RIMS1: variants seen among roughly 807,000 people sequenced by gnomAD.
RIMS1 encodes the protein regulating synaptic membrane exocytosis 1.
In RIMS1, 83 loss-of-function variants were observed where a neutral mutation model predicts 214.1. That is an observed-to-expected ratio of 0.39 (90% CI 0.32 to 0.47). The LOEUF is 0.47. Ranked by LOEUF, RIMS1 falls within the 20% of genes least tolerant of loss-of-function variation. The pLI is 0.99. For synonymous variants in RIMS1, 793 were observed against 786.8 expected, an observed-to-expected ratio of 1.01 and a Z score of -0.13; for missense variants, 2,050 against 2,161.8, an observed-to-expected ratio of 0.95 and a Z score of 1.03.
intron 29 of RIMS1, among the ~76,000 whole-genome samples, chr6:72,368,171 C>T (rs905523868): frequency 1.3e-5 from 2 of 151,698 alleles, no homozygotes; most frequent in Non-Finnish European, 2.9e-5. Context: ...CTTATCTGTG[C>T]TTGTTATAAT....
intron 2 of RIMS1, among the ~76,000 whole-genome samples, chr6:72,028,635 A>T (rs1311190898): frequency 6.6e-6 from 1 of 152,188 alleles, no homozygotes; most frequent in Non-Finnish European, 1.5e-5. Flanking sequence ...ACTCCCTGCT[A>T]AAAAGACAAA....
chr6:72,217,474 T>C (rs2496538), intron 6 of RIMS1, among the ~76,000 whole-genome samples: 72,552 of 152,024 alleles, frequency 0.48, 19,427 homozygotes, highest in East Asian at 0.83. Flanking sequence ...TTAAATTATA[T>C]ACATTTTAGT....
At chr6:72,364,702 G>A (rs1267346213) in intron 29 of RIMS1, among the ~76,000 whole-genome samples, 1 of 152,186 alleles carries the variant, frequency 6.6e-6, no homozygotes, top group Non-Finnish European at 1.5e-5. Context: ...AGTATTGATT[G>A]TGGGGAAATG....
intron 4 of RIMS1, among the ~76,000 whole-genome samples, chr6:72,116,555 A>G (rs184976674): frequency 6.6e-6 from 1 of 152,114 alleles, no homozygotes; most frequent in African/African-American, 2.4e-5. Flanking sequence ...CTATTTAATC[A>G]TCTTAATTTC....
Position 72,026,459 on chromosome 6 carries a change from C to G in RIMS1, c.245+57396C>G, listed in dbSNP as rs573887958. ...GTATTCTTCTCCCCCAGCACCGCCCCCCCCCCCAACTTTTTTTTTTCAAAC... is the reference window on the plus strand; with the variant it reads ...GTATTCTTCTCCCCCAGCACCGCCCGCCCCCCCAACTTTTTTTTTTCAAAC... On this transcript the variant is annotated intron_variant, in intron 2 of 33. Coordinates refer to ENST00000521978, the MANE Select transcript of RIMS1 (RefSeq NM_014989.7). Among the ~76,000 whole-genome samples the G allele has an allele frequency of 3.4e-3, 464 of 137,544 alleles. 7 individuals carry two copies. Among genetic ancestry groups the G allele is most frequent in the African/African-American group, 0.011 (420 of 37,384 alleles). 90.2% of individuals were successfully genotyped at this position (137,544 alleles called of 152,430 possible). A position where few individuals can be genotyped will look rare whatever the true frequency, so the allele number is the denominator to read the frequency against.
chr6:72,070,267 A>G (rs1830285403), intron 2 of RIMS1, among the ~76,000 whole-genome samples: 1 of 152,204 alleles, frequency 6.6e-6, no homozygotes, highest in East Asian at 1.9e-4. Flanking sequence ...ATGGAAAATC[A>G]TGAATTATTT....
chr6:71,926,245 T>A (rs1413655128), intron 1 of RIMS1, among the ~76,000 whole-genome samples: 1 of 152,186 alleles, frequency 6.6e-6, no homozygotes, highest in African/African-American at 2.4e-5. Context: ...TGGTGCTTTT[T>A]AAAATATCAC....
At chr6:72,295,369 A>C (rs2093957618) in intron 26 of RIMS1, among the ~76,000 whole-genome samples, 1 of 151,812 alleles carries the variant, frequency 6.6e-6, no homozygotes, top group Non-Finnish European at 1.5e-5. Flanking sequence ...GGATTACTTA[A>C]ATTAGAATTT....
At chr6:72,324,419 A>G (rs769818607) in intron 28 of RIMS1, among the ~76,000 whole-genome samples, 5 of 151,976 alleles carry the variant, frequency 3.3e-5, no homozygotes, top group Non-Finnish European at 7.4e-5. Flanking sequence ...CACTAATAGC[A>G]TAATAGAAGA....
intron 13 of RIMS1, 102 bp from the exon 14 acceptor site, chr6:72,250,819 T>C: frequency 1.6e-6 from 1 of 637,008 alleles, no homozygotes; most frequent in Non-Finnish European, 2.6e-6. Context: ...CCATGAGTTA[T>C]TAGTTAAAAT....
chr6:72,260,590 T>C, intron 18 of RIMS1, 115 bp from the exon 19 acceptor site: 4 of 1,361,946 alleles, frequency 2.9e-6, no homozygotes, highest in Non-Finnish European at 4.1e-6. Context: ...CAAGCAAATA[T>C]GCTAGTGCAG....
Position 72,005,302 on chromosome 6 carries a change from C to T in RIMS1, c.245+36239C>T, listed in dbSNP as rs944480038. The stretch of plus-strand genomic sequence containing the variant: ...TGTAGTATAATTTGAAGTCAGGTAG[C>T]GTGATGCCTCCAGCTTTGTTCTTTT... On this transcript the variant is annotated intron_variant, in intron 2 of 33. Transcript: ENST00000521978. Among the ~76,000 whole-genome samples, 30 of 152,190 alleles carry T rather than the reference C, an allele frequency of 2.0e-4. No individual in the cohort carries two copies. In the East Asian group the frequency reaches 3.9e-3, roughly 20 times the overall value.
chr6:72,074,000 T>A (rs149435400), intron 2 of RIMS1, among the ~76,000 whole-genome samples: 7 of 152,352 alleles, frequency 4.6e-5, no homozygotes, highest in African/African-American at 1.7e-4. Context: ...ATTGGTTGCC[T>A]TTATTATTCT....
At chr6:72,395,740 A>G (rs1209691309) in intron 31 of RIMS1, among the ~76,000 whole-genome samples, 1 of 152,044 alleles carries the variant, frequency 6.6e-6, no homozygotes, top group Non-Finnish European at 1.5e-5. Flanking sequence ...TGGTTGAGTG[A>G]GAATTATTCA....
chr6:72,232,294 T>G (rs2062279471), intron 6 of RIMS1, among the ~76,000 whole-genome samples: 1 of 151,668 alleles, frequency 6.6e-6, no homozygotes, highest in Non-Finnish European at 1.5e-5. Context: ...TTATAACATT[T>G]GTGTTAGTAG....
intron 29 of RIMS1, among the ~76,000 whole-genome samples, chr6:72,338,299 G>A (rs908027683): frequency 2.0e-5 from 3 of 151,962 alleles, no homozygotes; most frequent in Admixed American, 2.0e-4. Flanking sequence ...GGTGTAAGAT[G>A]GTATCTGACT....
rs1044355208 is a variant in RIMS1, at chr6:72,333,603, A to G, written c.4134A>G (p.Ser1378=). Residue 1378 remains serine, a synonymous_variant, in exon 29 of 34, where the codon TCA becomes TCG. Transcript: ENST00000521978. ...TGTTTTTACTTTGTAAATATAGTTCATTTACCCCCAAAATGCAAGGCAGAC... is the reference window on the plus strand; with the variant it reads ...TGTTTTTACTTTGTAAATATAGTTCGTTTACCCCCAAAATGCAAGGCAGAC... ...QSERPRGRIS[S]FTPKMQGRRM... 8.2e-6 allele frequency: 13 copies of G among 1,580,228 alleles called. No homozygotes were observed. Among genetic ancestry groups the G allele is most frequent in the Admixed American group, 1.8e-5 (1 of 55,304 alleles).
At position 72,400,211 on chromosome 6, in the gene RIMS1, CTT is replaced by C. The variant is rs141596040; in HGVS notation, c.4861-284_4861-283del. Among the ~76,000 whole-genome samples, 380 of 152,238 alleles carry C rather than the reference CTT, an allele frequency of 2.5e-3. 1 individual carries two copies. Among genetic ancestry groups the C allele is most frequent in the African/African-American group, 8.3e-3 (346 of 41,542 alleles). On this transcript the variant is annotated intron_variant, in intron 33 of 33. Transcript: ENST00000521978. Reference sequence around the variant, plus strand: ...GGTGTTGCATTCATATAAAAATACTCTTATGTATTTATTTCTTTAACATGGCT... The same window carrying C: ...GGTGTTGCATTCATATAAAAATACTCATGTATTTATTTCTTTAACATGGCT...
chr6:72,258,307 C>T (rs1299377186), intron 17 of RIMS1, 26 bp downstream of exon 17: 3 of 1,594,946 alleles, frequency 1.9e-6, no homozygotes, highest in East Asian at 2.2e-5. Context: ...GGCTCAGTGT[C>T]CCTGACAGTA....
Sources: allele counts gnomAD v4.1 joint callset (sites outside exome capture counted in the v4.1 genomes callset), GRCh38; gene constraint gnomAD v4.1.1; transcripts MANE v1.5; gene names NCBI Gene and HGNC (gene_info 2026-07-23, HGNC 2026-07-21).